REDIC1: variants seen among roughly 807,000 people sequenced by gnomAD.
REDIC1 encodes regulator of DNA class I crossover intermediates 1, also known as HEI10 Interacting Protein 1.
At chr12:39,797,744 A>ACGTG in the REDIC1 span, among the ~76,000 whole-genome samples, 2 of 150,228 alleles carry the variant, frequency 1.3e-5, no homozygotes, top group East Asian at 3.9e-4. Context: ...ACACACACAC[A>ACGTG]CACACACACA....
the REDIC1 span, among the ~76,000 whole-genome samples, chr12:39,797,763 C>CAT: frequency 6.6e-6 from 1 of 152,082 alleles, no homozygotes; most frequent in Non-Finnish European, 1.5e-5. Context: ...CACACACACA[C>CAT]ACACACACAC....
chr12:39,866,980 G>A, the REDIC1 span, among the ~76,000 whole-genome samples: 8 of 152,160 alleles, frequency 5.3e-5, no homozygotes, highest in African/African-American at 1.9e-4. Context: ...TTTAACTACT[G>A]TTGGCTTAAA....
At chr12:39,837,836 A>G in the REDIC1 span, among the ~76,000 whole-genome samples, 1 of 152,068 alleles carries the variant, frequency 6.6e-6, no homozygotes, top group Admixed American at 6.5e-5. Flanking sequence ...AAAAGTCAGG[A>G]AACAACAGGT....
the REDIC1 span, among the ~76,000 whole-genome samples, chr12:39,685,633 A>AC: frequency 4.6e-5 from 7 of 152,008 alleles, no homozygotes; most frequent in African/African-American, 1.7e-4. Flanking sequence ...ATATCTTTCC[A>AC]CCCCCAGCCC....
At chr12:39,884,775 G>C in the REDIC1 span, among the ~76,000 whole-genome samples, 1 of 152,184 alleles carries the variant, frequency 6.6e-6, no homozygotes. Context: ...TAGTTAATCA[G>C]TGATGCCAAT....
At chr12:39,828,290 T>G in the REDIC1 span, among the ~76,000 whole-genome samples, 1 of 152,116 alleles carries the variant, frequency 6.6e-6, no homozygotes, top group Non-Finnish European at 1.5e-5. Flanking sequence ...AGTTTGAGAC[T>G]ATTGTAAGGA....
chr12:39,858,066 C>G, the REDIC1 span, among the ~76,000 whole-genome samples: 13 of 152,128 alleles, frequency 8.5e-5, no homozygotes, highest in African/African-American at 1.2e-4. Flanking sequence ...AAAGTTATGG[C>G]GAACTCAAAG....
the REDIC1 span, among the ~76,000 whole-genome samples, chr12:39,815,636 T>C: frequency 1.3e-5 from 2 of 152,120 alleles, no homozygotes; most frequent in Admixed American, 6.6e-5. Flanking sequence ...ATAACCATAA[T>C]GCAATAATTA....
the REDIC1 span, among the ~76,000 whole-genome samples, chr12:39,711,535 A>T: frequency 2.3e-5 from 3 of 132,946 alleles, no homozygotes; most frequent in Non-Finnish European, 5.0e-5. Context: ...ATGTGTATAT[A>T]CATATATGTA....
the REDIC1 span, among the ~76,000 whole-genome samples, chr12:39,711,061 A>C: frequency 6.6e-6 from 1 of 151,090 alleles, no homozygotes; most frequent in Non-Finnish European, 1.5e-5. Context: ...TCTTCCCCCC[A>C]AGTTCCCAAA....
At chr12:39,682,863 A>G in the REDIC1 span, 2 of 1,612,536 alleles carry the variant, frequency 1.2e-6, no homozygotes, top group Middle Eastern at 1.7e-4. Context: ...TAGATGAGCA[A>G]AGGATAAAGA....
At chr12:39,898,435 T>G in the REDIC1 span, among the ~76,000 whole-genome samples, 1 of 152,150 alleles carries the variant, frequency 6.6e-6, no homozygotes, top group African/African-American at 2.4e-5. Context: ...AACCAGTGTT[T>G]GTGTGTCCAT....
At chr12:39,906,270 C>A in the REDIC1 span, among the ~76,000 whole-genome samples, 1 of 152,056 alleles carries the variant, frequency 6.6e-6, no homozygotes, top group Non-Finnish European at 1.5e-5. Flanking sequence ...CAAATTACTA[C>A]CTGAATTATT....
chr12:39,670,181 A>G, the REDIC1 span, among the ~76,000 whole-genome samples: 1 of 152,008 alleles, frequency 6.6e-6, no homozygotes, highest in Non-Finnish European at 1.5e-5. Flanking sequence ...CTATTTGGCC[A>G]TCTGAGTTTT....
At chr12:39,833,103 C>T in the REDIC1 span, among the ~76,000 whole-genome samples, 1 of 152,084 alleles carries the variant, frequency 6.6e-6, no homozygotes, top group East Asian at 1.9e-4. Context: ...CAGCAAACTA[C>T]AACTGTTGAG....
the REDIC1 span, among the ~76,000 whole-genome samples, chr12:39,718,087 C>T: frequency 1.3e-5 from 2 of 151,904 alleles, no homozygotes; most frequent in African/African-American, 2.4e-5. Context: ...ATTTCTTTTC[C>T]GAGTCTTGAT....
At chr12:39,668,898 G>C in the REDIC1 span, among the ~76,000 whole-genome samples, 1 of 152,034 alleles carries the variant, frequency 6.6e-6, no homozygotes, top group South Asian at 2.1e-4. Context: ...TTTGTTTTCA[G>C]CTCCATCAGG....
the REDIC1 span, among the ~76,000 whole-genome samples, chr12:39,749,989 T>A: frequency 6.6e-6 from 1 of 152,178 alleles, no homozygotes; most frequent in African/African-American, 2.4e-5. Context: ...CTGGAAGCAT[T>A]CCCTTTGAAA....
chr12:39,692,331 T>G, the REDIC1 span: 1 of 337,024 alleles, frequency 3.0e-6, no homozygotes, highest in Non-Finnish European at 5.2e-6. Flanking sequence ...CAAATAAGAA[T>G]AAAACAGATA....
Sources: allele counts gnomAD v4.1 joint callset (sites outside exome capture counted in the v4.1 genomes callset), GRCh38; gene constraint gnomAD v4.1.1; transcripts MANE v1.5; gene names NCBI Gene and HGNC (gene_info 2026-07-23, HGNC 2026-07-21).